Variants in PIP5K1A observed in about 807,000 individuals in gnomAD.
PIP5K1A encodes the protein phosphatidylinositol 4-phosphate 5-kinase type-1 alpha.
A neutral mutation model predicts 72.9 loss-of-function variants in PIP5K1A; 46 were observed. The observed-to-expected ratio is 0.63, with a 90% CI of 0.50 to 0.81. The LOEUF is 0.81. Ranked by LOEUF, PIP5K1A falls within the 30% of genes least tolerant of loss-of-function variation. The pLI is 0.00. For missense variants in PIP5K1A, 458 were observed against 706.1 expected (o/e 0.65, Z 3.98); for synonymous variants, 228 against 255.1 (o/e 0.89, Z 1.01).
chr1:151,229,068 T>C (rs1689594542), intron 4 of PIP5K1A, among the ~76,000 whole-genome samples: 1 of 140,602 alleles, frequency 7.1e-6, no homozygotes. Context: ...CTCAGGAGGC[T>C]GAGACATGAG....
At chr1:151,211,068 G>T (rs1313830937) in intron 1 of PIP5K1A, among the ~76,000 whole-genome samples, 1 of 152,138 alleles carries the variant, frequency 6.6e-6, no homozygotes, top group Non-Finnish European at 1.5e-5. Flanking sequence ...CTGCTTCTTG[G>T]TTTCTCATCA....
rs1692859390 is a variant in PIP5K1A, at chr1:151,249,050, C to T, written c.*1185C>T. On this transcript the variant is annotated 3_prime_UTR_variant, in exon 16 of 16. Transcript: ENST00000368888. ...TGGAAATGGGGGCTACATATGCCCT[C>T]TCCTCCCCGTCTACAAGAGTTGTGG... The T allele has an allele frequency of 6.6e-6, 1 of 152,180 alleles. No individual in the cohort carries two copies. Among genetic ancestry groups the T allele is most frequent in the Non-Finnish European group, 1.5e-5 (1 of 68,042 alleles). The allele number at this position is 152,180 out of a possible 1,614,324, so 9.4% of individuals were successfully genotyped here.
At chr1:151,214,697 G>C (rs1191581870) in intron 1 of PIP5K1A, among the ~76,000 whole-genome samples, 3 of 150,326 alleles carry the variant, frequency 2.0e-5, no homozygotes, top group Non-Finnish European at 4.4e-5. Flanking sequence ...TTGCAAGTTA[G>C]TACCAAATTG....
At chr1:151,243,933 C>G (rs1356354409) in intron 14 of PIP5K1A, among the ~76,000 whole-genome samples, 1 of 152,098 alleles carries the variant, frequency 6.6e-6, no homozygotes, top group Non-Finnish European at 1.5e-5. Context: ...ACATAATCTT[C>G]TGAACAGCCT....
intron 1 of PIP5K1A, among the ~76,000 whole-genome samples, chr1:151,212,516 C>T (rs1305426349): frequency 1.3e-5 from 2 of 152,142 alleles, no homozygotes; most frequent in East Asian, 1.9e-4. Flanking sequence ...TGGAATGCTT[C>T]CTTAGGACTG....
At chr1:151,217,963 A>G (rs1687878233) in intron 1 of PIP5K1A, among the ~76,000 whole-genome samples, 1 of 151,980 alleles carries the variant, frequency 6.6e-6, no homozygotes, top group African/African-American at 2.4e-5. Context: ...ATTTATAGAG[A>G]TGAGGTTTCA....
chr1:151,204,478 G>T (rs587744225), intron 1 of PIP5K1A, among the ~76,000 whole-genome samples: 2 of 152,250 alleles, frequency 1.3e-5, no homozygotes, highest in African/African-American at 4.8e-5. Flanking sequence ...CGCCCGGCCT[G>T]TGGATGTTTT....
intron 8 of PIP5K1A, among the ~76,000 whole-genome samples, chr1:151,235,910 C>T (rs1690773763): frequency 6.6e-6 from 1 of 151,874 alleles, no homozygotes; most frequent in Non-Finnish European, 1.5e-5. Flanking sequence ...ATCACCAGGT[C>T]AGGCGTTCGA....
intron 9 of PIP5K1A, 119 bp from the exon 10 acceptor site, chr1:151,238,063 T>C: frequency 4.5e-6 from 3 of 663,342 alleles, no homozygotes; most frequent in South Asian, 3.5e-5. Flanking sequence ...TGATCACTTA[T>C]TATCTGACCT....
chr1:151,218,099 C>G (rs1207825404), intron 1 of PIP5K1A, among the ~76,000 whole-genome samples: 2 of 152,084 alleles, frequency 1.3e-5, no homozygotes, highest in East Asian at 1.9e-4. Context: ...TTGTTAATGT[C>G]TTGTTACAAA....
At chr1:151,218,892 T>C (rs1399279154) in intron 1 of PIP5K1A, among the ~76,000 whole-genome samples, 1 of 148,170 alleles carries the variant, frequency 6.7e-6, no homozygotes, top group Non-Finnish European at 1.5e-5. Flanking sequence ...GAATTAGGGA[T>C]CATGAATTGA....
In PIP5K1A at chr1:151,238,277, A is replaced by G. The variant is rs1325661110; in HGVS notation, c.1229+12A>G. The G allele has an allele frequency of 3.3e-6, 5 of 1,530,306 alleles. No individual in the cohort carries two copies. Among genetic ancestry groups the G allele is most frequent in the East Asian group, 2.2e-5 (1 of 44,450 alleles). 94.8% of individuals were successfully genotyped at this position (1,530,306 alleles called of 1,614,324 possible). On this transcript the variant is annotated intron_variant, in intron 10 of 15. Transcript: ENST00000368888. The stretch of plus-strand genomic sequence containing the variant: ...CTACAGTCTTACAGGTGAGGAGCAT[A>G]TGGATCCCAAATTAAGAGAGGGTGG...
chr1:151,233,860 A>G (rs1570953742), intron 7 of PIP5K1A: 1 of 238,766 alleles, frequency 4.2e-6, no homozygotes, highest in Non-Finnish European at 8.1e-6. Context: ...AAGTTAGGTA[A>G]CTCTCCTTAC....
intron 5 of PIP5K1A, 94 bp from the exon 6 acceptor site, chr1:151,232,154 C>A: frequency 2.4e-6 from 2 of 824,854 alleles, no homozygotes; most frequent in Non-Finnish European, 4.2e-6. Context: ...CCCCCACTCC[C>A]CCCACCATGA....
chr1:151,204,177 T>C (rs1477235785), intron 1 of PIP5K1A, among the ~76,000 whole-genome samples: 2 of 152,084 alleles, frequency 1.3e-5, no homozygotes, highest in Non-Finnish European at 2.9e-5. Context: ...ATTGTTGATA[T>C]ATATATATAT....
intron 1 of PIP5K1A, among the ~76,000 whole-genome samples, chr1:151,215,091 C>T (rs959674596): frequency 2.1e-5 from 3 of 143,392 alleles, no homozygotes; most frequent in African/African-American, 5.2e-5. Flanking sequence ...AGTGCAATGG[C>T]GCGATCTCAG....
intron 14 of PIP5K1A, among the ~76,000 whole-genome samples, chr1:151,244,790 A>T (rs1235039103): frequency 6.6e-6 from 1 of 152,228 alleles, no homozygotes; most frequent in African/African-American, 2.4e-5. Context: ...CCAGTCCCCC[A>T]CAGATATTGA....
At chr1:151,223,644 C>CAAA (rs34562554) in intron 1 of PIP5K1A, among the ~76,000 whole-genome samples, 1,573 of 120,158 alleles carry the variant, frequency 0.013, 50 homozygotes, top group African/African-American at 0.021. Flanking sequence ...GACTCTGTCT[C>CAAA]AAAAAAAAAA....
chr1:151,234,092 C>G, intron 7 of PIP5K1A, 105 bp from the exon 8 acceptor site: 1 of 781,582 alleles, frequency 1.3e-6, no homozygotes, highest in African/African-American at 1.7e-5. Flanking sequence ...GTGTCTAAAT[C>G]TCATATAGGA....
Sources: gnomAD v4.1 joint callset for allele counts (sites outside exome capture counted in the v4.1 genomes callset) on GRCh38, gnomAD v4.1.1 for gene constraint, MANE v1.5 for transcripts, NCBI Gene and HGNC (gene_info 2026-07-23, HGNC 2026-07-21) for gene names.